The following TRAPPC9 variants were observed in gnomAD, a reference collection of about 807,000 sequenced individuals.
TRAPPC9 encodes IKK2 binding protein.
A neutral mutation model predicts 124.0 loss-of-function variants in TRAPPC9; 83 were observed. The observed-to-expected ratio is 0.67, with a 90% CI of 0.56 to 0.80. TRAPPC9 has a LOEUF of 0.80. TRAPPC9 is among the 30% of genes least tolerant of loss of function. The probability of loss-of-function intolerance (pLI) is 0.00; values close to 1 mark genes in which losing one functional copy is unlikely to be tolerated. For synonymous variants in TRAPPC9, 638 were observed against 617.5 expected, an observed-to-expected ratio of 1.03 and a Z score of -0.49; for missense variants, 1,302 against 1,508.3, an observed-to-expected ratio of 0.86 and a Z score of 2.27.
chr8:139,957,757 A>AC (rs1267364117), intron 19 of TRAPPC9, among the ~76,000 whole-genome samples: 1 of 151,362 alleles, frequency 6.6e-6, no homozygotes, highest in Non-Finnish European at 1.5e-5. Context: ...GGGACACAGG[A>AC]CCCCCCTGTG....
chr8:140,169,999 A>G (rs1187446669), intron 17 of TRAPPC9, among the ~76,000 whole-genome samples: 1 of 152,240 alleles, frequency 6.6e-6, no homozygotes, highest in Non-Finnish European at 1.5e-5. Flanking sequence ...TGGCCTCCAG[A>G]AGTGCTGGGA....
At chr8:140,197,867 G>T (rs1406309912) in intron 17 of TRAPPC9, among the ~76,000 whole-genome samples, 1 of 152,188 alleles carries the variant, frequency 6.6e-6, no homozygotes, top group African/African-American at 2.4e-5. Context: ...GACACTCCCA[G>T]GGCAGCTCAG....
intron 17 of TRAPPC9, among the ~76,000 whole-genome samples, chr8:140,190,970 G>A (rs1301531271): frequency 6.6e-6 from 1 of 152,130 alleles, no homozygotes; most frequent in East Asian, 1.9e-4. Flanking sequence ...CAGTGTCCAG[G>A]ACCAAAGTCA....
intron 21 of TRAPPC9, among the ~76,000 whole-genome samples, chr8:139,789,880 T>C (rs1035696715): frequency 9.2e-5 from 14 of 152,056 alleles, no homozygotes; most frequent in African/African-American, 2.7e-4. Flanking sequence ...CCGGCCTCAG[T>C]GCAGCATTTG....
chr8:139,990,375 CAT>C (rs1563670482), intron 18 of TRAPPC9, among the ~76,000 whole-genome samples: 1 of 152,156 alleles, frequency 6.6e-6, no homozygotes, highest in Admixed American at 6.5e-5. Context: ...CAAAGCCACA[CAT>C]GTCCGCGGCA....
intron 17 of TRAPPC9, among the ~76,000 whole-genome samples, chr8:140,027,977 C>T (rs1289942428): frequency 6.6e-6 from 1 of 152,126 alleles, no homozygotes; most frequent in Non-Finnish European, 1.5e-5. Flanking sequence ...ATGGGGATTA[C>T]AATTCAAGAT....
intron 21 of TRAPPC9, among the ~76,000 whole-genome samples, chr8:139,821,796 G>C (rs1825271716): frequency 6.6e-6 from 1 of 152,176 alleles, no homozygotes; most frequent in Non-Finnish European, 1.5e-5. Context: ...GCTTGTTAAG[G>C]CTTCTGAGTA....
intron 17 of TRAPPC9, 74 bp from the exon 18 acceptor site, chr8:140,024,153 C>T (rs1158334216): frequency 8.3e-6 from 13 of 1,564,918 alleles, no homozygotes; most frequent in Admixed American, 3.4e-5. Flanking sequence ...AGGAGGCAAG[C>T]GGCTTCGCTT....
chr8:140,249,829 C>T (rs929565451), intron 16 of TRAPPC9, among the ~76,000 whole-genome samples: 12 of 151,932 alleles, frequency 7.9e-5, no homozygotes, highest in Non-Finnish European at 1.6e-4. Flanking sequence ...AGGATGGTCT[C>T]AATCTCCTGA....
chr8:140,138,452 G>A (rs987446696), intron 17 of TRAPPC9, among the ~76,000 whole-genome samples: 10 of 152,210 alleles, frequency 6.6e-5, no homozygotes, highest in Admixed American at 6.5e-4. Flanking sequence ...TAAAAAGGAT[G>A]CCCCACGTCC....
intron 21 of TRAPPC9, among the ~76,000 whole-genome samples, chr8:139,764,008 G>T (rs2130379703): frequency 6.6e-6 from 1 of 152,346 alleles, no homozygotes; most frequent in East Asian, 1.9e-4. Context: ...TACACGGTAG[G>T]TCTGCCGATG....
At chr8:140,027,059 C>T (rs1840193171) in intron 17 of TRAPPC9, among the ~76,000 whole-genome samples, 1 of 152,198 alleles carries the variant, frequency 6.6e-6, no homozygotes, top group African/African-American at 2.4e-5. Flanking sequence ...CACACACACT[C>T]AATAAGTCTT....
chr8:139,740,658 G>C (rs558958405), intron 21 of TRAPPC9, among the ~76,000 whole-genome samples: 1 of 152,364 alleles, frequency 6.6e-6, no homozygotes, highest in East Asian at 1.9e-4. Context: ...CCCTGTCCTG[G>C]AGAGTGGTAG....
intron 15 of TRAPPC9, among the ~76,000 whole-genome samples, chr8:140,272,123 A>ATGGTGATTATGG (rs1554657942): frequency 2.3e-4 from 32 of 141,172 alleles, no homozygotes; most frequent in Admixed American, 2.8e-4. Context: ...GGCAATGGTG[A>ATGGTGATTATGG]TGGTGGCGAT....
intron 21 of TRAPPC9, among the ~76,000 whole-genome samples, chr8:139,856,159 T>C (rs1266978994): frequency 6.6e-6 from 1 of 152,150 alleles, no homozygotes; most frequent in Non-Finnish European, 1.5e-5. Context: ...TTTCCCTCTG[T>C]GCCGTGCTCT....
intron 21 of TRAPPC9, among the ~76,000 whole-genome samples, chr8:139,794,436 A>T (rs1822909084): frequency 6.6e-6 from 1 of 152,208 alleles, no homozygotes; most frequent in Non-Finnish European, 1.5e-5. Context: ...AGGGGACTCC[A>T]AGGCCAAATG....
rs569625435 is a variant in TRAPPC9, at chr8:140,353,329, G to A, written c.1495+6721C>T. Among the ~76,000 whole-genome samples the A allele has an allele frequency of 4.7e-5, 7 of 149,344 alleles. No homozygotes were observed. The highest frequency in any genetic ancestry group is 2.1e-4 in the South Asian group (1 of 4,678). On this transcript the variant is annotated intron_variant, in intron 9 of 22. Transcript: ENST00000438773. The surrounding 1 kb of genome is among the most constrained non-coding windows in gnomAD (Gnocchi z 4.2). ...CCATCTCATGGGACCCCCCCCTTTC[G>A]TCACTCCTCAGTCTTTTCACAGTAG...
chr8:140,233,105 T>C lies in TRAPPC9; in HGVS notation c.2432-11522A>G, dbSNP rs150289499. Among the ~76,000 whole-genome samples, 580 of 152,328 alleles carry C rather than the reference T, an allele frequency of 3.8e-3. 8 individuals are homozygous for C. In the East Asian group the frequency reaches 0.04, roughly 11 times the overall value. ...GAGCTGACAGTTTCAAGGTAGAGCA[T>C]TGATTTTTAAAAGTCTCCAAAGTAA... On this transcript the variant is annotated intron_variant, in intron 16 of 22. Coordinates refer to ENST00000438773, the MANE Select transcript of TRAPPC9 (RefSeq NM_001160372.4).
At position 140,397,386 on chromosome 8, in the gene TRAPPC9, A is replaced by AAAAC. The variant is rs3837157; in HGVS notation, c.1134+230_1134+233dup. On this transcript the variant is annotated intron_variant, in intron 7 of 22. Coordinates refer to ENST00000438773, the MANE Select transcript of TRAPPC9 (RefSeq NM_001160372.4). Reference sequence around the variant, plus strand: ...TGGTAAAACACAGTTACTTCTCCAAAAAACAAACAAAAAAAATGCAAAGGA... The same window carrying AAAAC: ...TGGTAAAACACAGTTACTTCTCCAAAAAACAAACAAACAAAAAAAATGCAAAGGA... Among the ~76,000 whole-genome samples, 48,112 of 151,726 alleles carry AAAAC rather than the reference A, an allele frequency of 0.32. 7,983 individuals carry two copies. Among genetic ancestry groups the AAAAC allele is most frequent in the South Asian group, 0.45 (2,177 of 4,822 alleles).
Sources: allele counts gnomAD v4.1 joint callset (sites outside exome capture counted in the v4.1 genomes callset), GRCh38; gene constraint gnomAD v4.1.1; non-coding constraint Gnocchi (gnomAD v3.1); transcripts MANE v1.5; gene names NCBI Gene and HGNC (gene_info 2026-07-23, HGNC 2026-07-21).